The following STXBP5L variants were observed in gnomAD, a reference collection of about 807,000 sequenced individuals.
STXBP5L encodes the protein syntaxin-binding protein 5-like.
A neutral mutation model predicts 144.5 loss-of-function variants in STXBP5L; 65 were observed. That is an observed-to-expected ratio of 0.45 (90% CI 0.37 to 0.55). The LOEUF (loss-of-function observed/expected upper bound fraction) is 0.55. Ranked by LOEUF, STXBP5L falls within the 20% of genes least tolerant of loss-of-function variation. The pLI, the probability that STXBP5L is intolerant of heterozygous loss-of-function variation, is 0.00. For missense variants in STXBP5L, 1,298 were observed against 1,405.5 expected, an observed-to-expected ratio of 0.92 and a Z score of 1.22; for synonymous variants, 505 against 469.6, an observed-to-expected ratio of 1.08 and a Z score of -0.97.
At chr3:121,008,485 ACTT>A (rs1328415434) in intron 3 of STXBP5L, among the ~76,000 whole-genome samples, 4 of 152,102 alleles carry the variant, frequency 2.6e-5, no homozygotes, top group African/African-American at 9.6e-5. Flanking sequence ...AACCATTTCT[ACTT>A]CTACTTTTTG....
chr3:121,196,419 A>G (rs375484417), intron 9 of STXBP5L, among the ~76,000 whole-genome samples: 2 of 151,994 alleles, frequency 1.3e-5, no homozygotes, highest in African/African-American at 2.4e-5. Context: ...GATTACAGGC[A>G]TGAGCCACCG....
At chr3:121,164,875 G>T (rs775449120) in intron 9 of STXBP5L, among the ~76,000 whole-genome samples, 5 of 152,014 alleles carry the variant, frequency 3.3e-5, no homozygotes, top group Non-Finnish European at 5.9e-5. Context: ...GGTTACCAGG[G>T]GCAGGAGAGC....
intron 23 of STXBP5L, 105 bp from the exon 24 acceptor site, chr3:121,413,053 A>G: frequency 1.0e-6 from 1 of 970,968 alleles, no homozygotes; most frequent in Non-Finnish European, 1.4e-6. Flanking sequence ...TAAAAAAATA[A>G]AAAGAAACAA....
intron 7 of STXBP5L, among the ~76,000 whole-genome samples, chr3:121,136,308 C>A (rs560936948): frequency 6.6e-6 from 1 of 152,208 alleles, no homozygotes; most frequent in African/African-American, 2.4e-5. Flanking sequence ...CAGATCCCTC[C>A]CCACCACAGC....
intron 2 of STXBP5L, among the ~76,000 whole-genome samples, chr3:120,949,480 A>T (rs1007995457): frequency 6.6e-6 from 1 of 151,574 alleles, no homozygotes; most frequent in African/African-American, 2.4e-5. Context: ...TTGGTCATGA[A>T]CTCTTTGCCT....
intron 9 of STXBP5L, among the ~76,000 whole-genome samples, chr3:121,172,170 T>A (rs1462906982): frequency 1.3e-5 from 2 of 152,114 alleles, no homozygotes; most frequent in Non-Finnish European, 2.9e-5. Context: ...CCTTAGACAT[T>A]GTACAAAAAT....
At chr3:121,369,580 AT>A (rs1194587835) in intron 20 of STXBP5L, among the ~76,000 whole-genome samples, 2 of 147,898 alleles carry the variant, frequency 1.4e-5, no homozygotes, top group Admixed American at 6.7e-5. Context: ...TTTTTCTTTG[AT>A]TTTTTTTTCA....
chr3:121,298,050 C>G (rs1369072357), intron 19 of STXBP5L, among the ~76,000 whole-genome samples: 1 of 152,088 alleles, frequency 6.6e-6, no homozygotes, highest in Non-Finnish European at 1.5e-5. Context: ...TTTGATGAAC[C>G]TCATTGCTGT....
chr3:121,390,022 A>C (rs975820854), intron 22 of STXBP5L, among the ~76,000 whole-genome samples: 6 of 152,146 alleles, frequency 3.9e-5, no homozygotes, highest in African/African-American at 1.4e-4. Context: ...TGGGAGTCTA[A>C]GTCTCTTTGT....
At chr3:121,313,217 T>C (rs2043613802) in intron 19 of STXBP5L, among the ~76,000 whole-genome samples, 1 of 128,566 alleles carries the variant, frequency 7.8e-6, no homozygotes, top group African/African-American at 3.2e-5. Flanking sequence ...GAAGGGGGGC[T>C]GACCCCCCCC....
intron 24 of STXBP5L, 59 bp downstream of exon 24, chr3:121,413,382 G>T (rs959079932): frequency 4.2e-5 from 59 of 1,421,634 alleles, no homozygotes; most frequent in Non-Finnish European, 5.1e-5. Context: ...GAATGAGAAA[G>T]ATGTCTAAAA....
intron 3 of STXBP5L, among the ~76,000 whole-genome samples, chr3:120,991,820 G>T (rs1480460946): frequency 1.3e-5 from 2 of 149,846 alleles, no homozygotes; most frequent in Admixed American, 1.4e-4. Flanking sequence ...GTGGGGTGGG[G>T]GCAGGGGGGA....
intron 22 of STXBP5L, among the ~76,000 whole-genome samples, chr3:121,391,707 C>A (rs1222317744): frequency 6.6e-6 from 1 of 152,194 alleles, no homozygotes; most frequent in Non-Finnish European, 1.5e-5. Context: ...TTGGTATCAC[C>A]AGCAGAAGCT....
At chr3:121,318,873 C>T (rs2108531635) in intron 20 of STXBP5L, among the ~76,000 whole-genome samples, 1 of 152,146 alleles carries the variant, frequency 6.6e-6, no homozygotes, top group African/African-American at 2.4e-5. Context: ...CATCTTCAGG[C>T]TAGAGCTGAA....
intron 26 of STXBP5L, among the ~76,000 whole-genome samples, 179 bp downstream of exon 26, chr3:121,418,736 A>T (rs79315861): frequency 0.015 from 2,211 of 151,620 alleles, 50 homozygotes; most frequent in African/African-American, 0.05. Context: ...AAGGTTTTTT[A>T]AAAAAATACT....
chr3:120,955,131 GT>G, intron 3 of STXBP5L, 94 bp downstream of exon 3: 1 of 907,276 alleles, frequency 1.1e-6, no homozygotes, highest in Non-Finnish European at 1.6e-6. Flanking sequence ...ACCAAATAAA[GT>G]TTATTATTTT....
At chr3:121,269,934 T>C (rs957069926) in intron 18 of STXBP5L, among the ~76,000 whole-genome samples, 1 of 152,214 alleles carries the variant, frequency 6.6e-6, no homozygotes, top group Non-Finnish European at 1.5e-5. Context: ...TTGTTTATAT[T>C]AGCCTGTGAG....
At chr3:121,131,482 T>C (rs2044985988) in intron 7 of STXBP5L, among the ~76,000 whole-genome samples, 1 of 152,192 alleles carries the variant, frequency 6.6e-6, no homozygotes, top group Non-Finnish European at 1.5e-5. Context: ...TAAAAAAAGA[T>C]TGCCAAGCTA....
intron 13 of STXBP5L, among the ~76,000 whole-genome samples, chr3:121,239,820 G>A (rs1295846305): frequency 6.6e-6 from 1 of 151,356 alleles, no homozygotes; most frequent in Non-Finnish European, 1.5e-5. Context: ...TAACTAACCT[G>A]CGCATTGTGC....
Sources: allele counts gnomAD v4.1 joint callset (sites outside exome capture counted in the v4.1 genomes callset), GRCh38; gene constraint gnomAD v4.1.1; transcripts MANE v1.5; gene names NCBI Gene and HGNC (gene_info 2026-07-23, HGNC 2026-07-21).